The following PTPRD variants were observed in gnomAD, a reference collection of about 807,000 sequenced individuals.
The protein encoded by PTPRD is receptor-type tyrosine-protein phosphatase delta.
Under a neutral mutation model 214.5 loss-of-function variants are expected in PTPRD, and 34 were observed. The observed-to-expected ratio is 0.16, with a 90% CI of 0.12 to 0.21. The LOEUF is 0.21. Ranked by LOEUF, PTPRD falls within the 10% of genes least tolerant of loss-of-function variation. The pLI is 1.00. For synonymous variants in PTPRD, 1,128 were observed against 845.7 expected, an observed-to-expected ratio of 1.33 and a Z score of -5.79; for missense variants, 2,545 against 2,398.7, an observed-to-expected ratio of 1.06 and a Z score of -1.27.
chr9:9,605,861 G>T (rs1158573284), intron 7 of PTPRD, among the ~76,000 whole-genome samples: 1 of 152,012 alleles, frequency 6.6e-6, no homozygotes, highest in African/African-American at 2.4e-5. Flanking sequence ...CAACGATAAC[G>T]GAACTTGTCA....
intron 9 of PTPRD, among the ~76,000 whole-genome samples, chr9:9,236,735 G>C (rs117740983): frequency 0.013 from 2,008 of 151,718 alleles, 42 homozygotes; most frequent in East Asian, 0.039. Flanking sequence ...CCGTCTATTG[G>C]GGCATTTTGA....
At chr9:8,809,372 G>A (rs889034086) in intron 11 of PTPRD, among the ~76,000 whole-genome samples, 2 of 152,038 alleles carry the variant, frequency 1.3e-5, no homozygotes, top group African/African-American at 4.8e-5. Context: ...CATCTTACAG[G>A]TGGAAAAACG....
intron 31 of PTPRD, among the ~76,000 whole-genome samples, chr9:8,466,875 C>T (rs2096554457): frequency 6.6e-6 from 1 of 151,712 alleles, no homozygotes; most frequent in African/African-American, 2.4e-5. Flanking sequence ...AAAGTGTGAT[C>T]TCTACTTAGT....
rs1563902484 is a variant in PTPRD at position 8,504,308 on chromosome 9, C to A, written c.1775G>T (p.Gly592Val). 6.2e-7 allele frequency: 1 copy of A among 1,614,126 alleles called. No homozygotes were observed. The highest frequency in any genetic ancestry group is 8.5e-7 in the Non-Finnish European group (1 of 1,180,006). ...TATTTCTGCAGTAGAAGCACCCAGG[C>A]CTTGAGGGGAGCGTGCAGCCAGACG... ...YFRLAARSPQ[G>V]LGASTAEISA... is the part of the protein sequence containing the mutation. The change falls in exon 23 of 46, where the codon GGC becomes GTC. Residue 592 changes from glycine to valine, a missense_variant. Transcript: ENST00000381196.
In PTPRD at chr9:10,060,799, T is replaced by TCTTC. The variant is rs1331297949; in HGVS notation, c.-544-27013_-544-27010dup. Among the ~76,000 whole-genome samples, 4 of 124,076 alleles carry TCTTC rather than the reference T, an allele frequency of 3.2e-5. No individual in the cohort carries two copies. In the South Asian group the frequency reaches 6.6e-4, roughly 21 times the overall value. The allele number at this position is 124,076 out of a possible 152,430, so 81.4% of individuals were successfully genotyped here. On this transcript the variant is annotated intron_variant, in intron 3 of 45. Coordinates refer to ENST00000381196, the MANE Select transcript of PTPRD (RefSeq NM_002839.4). ...GCTTTTCTTTCTTTCTTTCTTTCTT[T>TCTTC]CTTCCTTTCTTTCTTTCTTTCTTTC...
intron 5 of PTPRD, among the ~76,000 whole-genome samples, chr9:9,861,386 GT>G (rs1420046691): frequency 6.6e-6 from 1 of 152,134 alleles, no homozygotes; most frequent in Non-Finnish European, 1.5e-5. Context: ...CGCCTCCCAG[GT>G]TCAAGCGATT....
chr9:8,601,662 C>T (rs952683050), intron 14 of PTPRD, among the ~76,000 whole-genome samples: 1 of 152,118 alleles, frequency 6.6e-6, no homozygotes, highest in African/African-American at 2.4e-5. Flanking sequence ...TACAAGTCTC[C>T]AAGAACCACT....
At chr9:9,750,597 T>C (rs2154464597) in intron 6 of PTPRD, among the ~76,000 whole-genome samples, 1 of 152,274 alleles carries the variant, frequency 6.6e-6, no homozygotes, top group Non-Finnish European at 1.5e-5. Flanking sequence ...TGTGAAACTC[T>C]AACTTCCTAC....
intron 14 of PTPRD, among the ~76,000 whole-genome samples, chr9:8,566,313 G>T (rs536520551): frequency 6.6e-6 from 1 of 152,112 alleles, no homozygotes; most frequent in Admixed American, 6.6e-5. Context: ...TTCGAAATCT[G>T]TACGAATAGC....
At chr9:8,571,539 T>C (rs2091152266) in intron 14 of PTPRD, among the ~76,000 whole-genome samples, 1 of 152,146 alleles carries the variant, frequency 6.6e-6, no homozygotes, top group Non-Finnish European at 1.5e-5. Context: ...AGTTAAGCAG[T>C]CCAAAAATCA....
intron 27 of PTPRD, among the ~76,000 whole-genome samples, chr9:8,487,662 T>C (rs565104448): frequency 1.3e-5 from 2 of 151,902 alleles, no homozygotes; most frequent in South Asian, 2.1e-4. Context: ...AACACAAAAA[T>C]AGCCAGGTGT....
At chr9:10,455,124 C>T (rs919945711) in intron 2 of PTPRD, among the ~76,000 whole-genome samples, 2 of 151,730 alleles carry the variant, frequency 1.3e-5, no homozygotes, top group African/African-American at 4.8e-5. Context: ...AAACTGCTCA[C>T]TCAAAGCTTA....
intron 11 of PTPRD, among the ~76,000 whole-genome samples, chr9:8,809,474 A>G (rs1285897958): frequency 5.3e-5 from 8 of 152,136 alleles, no homozygotes; most frequent in Non-Finnish European, 1.5e-5. Context: ...CATTTTCCAT[A>G]TTCCAAAGAA....
At chr9:9,055,530 G>C (rs1364655207) in intron 10 of PTPRD, among the ~76,000 whole-genome samples, 2 of 151,926 alleles carry the variant, frequency 1.3e-5, no homozygotes, top group Non-Finnish European at 2.9e-5. Flanking sequence ...CAGCCAACTT[G>C]GCACATAAAA....
intron 11 of PTPRD, among the ~76,000 whole-genome samples, chr9:8,786,300 C>T (rs1392473160): frequency 6.6e-6 from 1 of 150,978 alleles, no homozygotes; most frequent in Non-Finnish European, 1.5e-5. Flanking sequence ...AAAACAATTA[C>T]TGAAGTGTGT....
At chr9:9,008,628 T>G (rs1478926108) in intron 11 of PTPRD, among the ~76,000 whole-genome samples, 1 of 152,154 alleles carries the variant, frequency 6.6e-6, no homozygotes, top group African/African-American at 2.4e-5. Context: ...CTGCTGACCT[T>G]TGTTTTTGAT....
intron 11 of PTPRD, among the ~76,000 whole-genome samples, chr9:9,004,612 GA>G (rs2154357516): frequency 6.6e-6 from 1 of 151,998 alleles, no homozygotes; most frequent in African/African-American, 2.4e-5. Flanking sequence ...TTCAAAAGGT[GA>G]AAAAGTACCA....
Position 8,864,383 on chromosome 9 carries a change from C to T in PTPRD, c.-103-130437G>A, listed in dbSNP as rs185728188. Reference sequence around the variant, plus strand: ...TCACAATCCACTACTCTAGAGGGTGCTGAATCTCCTTAATGAAAGAATGTG... The same window carrying T: ...TCACAATCCACTACTCTAGAGGGTGTTGAATCTCCTTAATGAAAGAATGTG... On this transcript the variant is annotated intron_variant, in intron 11 of 45. Coordinates refer to ENST00000381196, the MANE Select transcript of PTPRD (RefSeq NM_002839.4). 2.0e-3 allele frequency among the ~76,000 whole-genome samples: 297 copies of T among 152,258 alleles called. 4 individuals carry two copies. Among genetic ancestry groups the T allele is most frequent in the African/African-American group, 6.7e-3 (280 of 41,548 alleles).
chr9:10,088,185 A>T (rs2098380489), intron 3 of PTPRD, among the ~76,000 whole-genome samples: 1 of 151,782 alleles, frequency 6.6e-6, no homozygotes, highest in Non-Finnish European at 1.5e-5. Flanking sequence ...CAATAGCATC[A>T]GGCTAGATTA....
Sources: allele counts gnomAD v4.1 joint callset (sites outside exome capture counted in the v4.1 genomes callset), GRCh38; gene constraint gnomAD v4.1.1; transcripts MANE v1.5; gene names NCBI Gene and HGNC (gene_info 2026-07-23, HGNC 2026-07-21).